Variants in ARL2 observed in about 807,000 individuals in gnomAD.
ARL2 encodes the protein ADP-ribosylation factor-like protein 2.
In ARL2, 11 loss-of-function variants were observed where a neutral mutation model predicts 22.0. The ratio of observed to expected loss-of-function variants is 0.50; its 90% CI spans 0.31 to 0.83. The LOEUF (loss-of-function observed/expected upper bound fraction) is 0.83. ARL2 is among the 40% of genes least tolerant of loss of function. The probability of loss-of-function intolerance (pLI) is 0.04; values close to 1 mark genes in which losing one functional copy is unlikely to be tolerated. For missense variants in ARL2, 216 were observed against 243.2 expected, an observed-to-expected ratio of 0.89 and a Z score of 0.74; for synonymous variants, 111 against 100.8, an observed-to-expected ratio of 1.10 and a Z score of -0.61.
chr11:65,017,786 T>C (rs944207440), intron 1 of ARL2, among the ~76,000 whole-genome samples: 1 of 152,198 alleles, frequency 6.6e-6, no homozygotes, highest in Non-Finnish European at 1.5e-5. Context: ...GGTGGTTCCT[T>C]CCACAGGTAA....
intron 3 of ARL2, 139 bp from the exon 4 acceptor site, chr11:65,020,280 C>T (rs1356313754): frequency 5.4e-6 from 4 of 738,586 alleles, no homozygotes; most frequent in Non-Finnish European, 9.4e-6. Flanking sequence ...CAAACTCACT[C>T]CTGGGCCTCT....
chr11:65,021,682 A>C, intron 4 of ARL2, 39 bp from the exon 5 acceptor site: 3 of 1,568,358 alleles, frequency 1.9e-6, no homozygotes, highest in Non-Finnish European at 2.6e-6. Context: ...CAGGGTCTGC[A>C]GTCACTGGCC....
chr11:65,015,368 TG>T (rs749604086), intron 1 of ARL2, among the ~76,000 whole-genome samples: 5 of 152,158 alleles, frequency 3.3e-5, no homozygotes, highest in Non-Finnish European at 7.4e-5. Flanking sequence ...CCACCCGCCT[TG>T]GCCTCCCAAA....
At chr11:65,014,741 T>C (rs1010829769) in intron 1 of ARL2, among the ~76,000 whole-genome samples, 6 of 152,140 alleles carry the variant, frequency 3.9e-5, no homozygotes, top group Admixed American at 2.0e-4. Flanking sequence ...ACAGTCCGTC[T>C]CTTTGGTGTT....
At chr11:65,015,590 C>T (rs111365347) in intron 1 of ARL2, among the ~76,000 whole-genome samples, 1 of 152,004 alleles carries the variant, frequency 6.6e-6, no homozygotes, top group African/African-American at 2.4e-5. Flanking sequence ...GGGGGTTGCC[C>T]GCGGGTAGAA....
At chr11:65,016,373 T>A (rs1171752554) in intron 1 of ARL2, among the ~76,000 whole-genome samples, 3 of 148,046 alleles carry the variant, frequency 2.0e-5, no homozygotes, top group Non-Finnish European at 4.5e-5. Flanking sequence ...ATGGCTGGAG[T>A]GGGGAGGAGG....
chr11:65,021,175 A>G (rs1353261549), intron 4 of ARL2, among the ~76,000 whole-genome samples: 2 of 152,240 alleles, frequency 1.3e-5, no homozygotes, highest in Non-Finnish European at 2.9e-5. Context: ...CACAGAGGTT[A>G]GGTAACTTGT....
At chr11:65,015,786 C>T (rs571048783) in intron 1 of ARL2, among the ~76,000 whole-genome samples, 1 of 151,914 alleles carries the variant, frequency 6.6e-6, no homozygotes, top group South Asian at 2.1e-4. Context: ...TCCATACATA[C>T]TATATATATA....
intron 1 of ARL2, among the ~76,000 whole-genome samples, chr11:65,015,772 A>G (rs1361633268): frequency 6.6e-6 from 1 of 152,078 alleles, no homozygotes; most frequent in Non-Finnish European, 1.5e-5. Context: ...ACATATATAT[A>G]TTCTCCATAC....
chr11:65,015,846 C>G (rs767577317), intron 1 of ARL2, among the ~76,000 whole-genome samples: 25 of 152,140 alleles, frequency 1.6e-4, no homozygotes, highest in Middle Eastern at 3.4e-3. Context: ...TTATACTGCT[C>G]CAGGATGAAC....
At position 65,021,938 on chromosome 11, in the gene ARL2, G is replaced by T; in HGVS notation, c.*83G>T. The T allele has an allele frequency of 6.5e-7, 1 of 1,532,570 alleles. No individual in the cohort carries two copies. Among genetic ancestry groups the T allele is most frequent in the Non-Finnish European group, 8.8e-7 (1 of 1,135,754 alleles). 94.9% of individuals were successfully genotyped at this position (1,532,570 alleles called of 1,614,324 possible). Reference sequence around the variant, plus strand: ...ACCCATGGGGGGTTGGGAGTCAGCCGGCCAAACTAACACTCCCCCTCCTCC... The same window carrying T: ...ACCCATGGGGGGTTGGGAGTCAGCCTGCCAAACTAACACTCCCCCTCCTCC... On this transcript the variant is annotated 3_prime_UTR_variant, in exon 5 of 5. Coordinates refer to ENST00000246747, the MANE Select transcript of ARL2 (RefSeq NM_001667.4).
rs2136908268 is a variant in ARL2 at position 65,018,810 on chromosome 11, G to GC, written c.339+81dup. On this transcript the variant is annotated intron_variant, in intron 3 of 4. Transcript: ENST00000246747. This position sits in a 1 kb window ranked among gnomAD's most constrained non-coding sequence, Gnocchi z 4.2. ...CAGCAGATGCCCAGAGGGGCCCGTG[G>GC]CCCCAGAGGGAAACCAGAGGCAGGA... 2 of 1,583,924 alleles carry GC rather than the reference G, an allele frequency of 1.3e-6. No individual in the cohort carries two copies. Among genetic ancestry groups the GC allele is most frequent in the South Asian group, 2.3e-5 (2 of 88,164 alleles).
rs1171807612 is a variant in ARL2, at chr11:65,018,923, C to T, written c.339+190C>T. On this transcript the variant is annotated intron_variant, in intron 3 of 4. Transcript: ENST00000246747. The surrounding 1 kb of genome is among the most constrained non-coding windows in gnomAD (Gnocchi z 4.2). ...GTGGACTGAGATTGAGTTAACGTCC[C>T]TGTGGTGTTACTACGTCACTACCCT... is the stretch of plus-strand genomic sequence containing the variant. The T allele has an allele frequency of 6.5e-7, 1 of 1,530,536 alleles. No homozygotes were observed. The highest frequency in any genetic ancestry group is 2.5e-5 in the East Asian group (1 of 40,554). The allele number at this position is 1,530,536 out of a possible 1,614,324, so 94.8% of individuals were successfully genotyped here.
At chr11:65,015,560 CGT>C (rs112698177) in intron 1 of ARL2, among the ~76,000 whole-genome samples, 4 of 150,880 alleles carry the variant, frequency 2.7e-5, no homozygotes, top group African/African-American at 4.8e-5. Context: ...TTCTGTAATG[CGT>C]GTGTGTGTGT....
intron 4 of ARL2, 122 bp from the exon 5 acceptor site, chr11:65,021,599 G>T: frequency 7.7e-7 from 1 of 1,295,184 alleles, no homozygotes; most frequent in Non-Finnish European, 1.0e-6. Flanking sequence ...TCCTGGATGG[G>T]ATGACATGGA....
In ARL2 at chr11:65,014,201, G is replaced by A. The variant is rs771161160; in HGVS notation, c.-7G>A. On this transcript the variant is annotated 5_prime_UTR_variant, in exon 1 of 5. Transcript: ENST00000246747. Reference sequence around the variant, plus strand: ...GAAACGGCGGCCGGGAGGGGGCTCCGGGGACCATGGGGCTCCTGACCATTC... The same window carrying A: ...GAAACGGCGGCCGGGAGGGGGCTCCAGGGACCATGGGGCTCCTGACCATTC... 1.9e-5 allele frequency: 29 copies of A among 1,564,134 alleles called. 1 individual carries two copies. The highest frequency in any genetic ancestry group is 2.3e-5 in the South Asian group (2 of 85,528).
rs61736632 is a variant in ARL2, at chr11:65,021,750, C to T, written c.450C>T (p.His150=). The part of the protein sequence containing the change: ...EVLELDSIRS[H]HWCIQGCSAV... ...TGGAGCTGGACTCCATCCGCAGCCA[C>T]CACTGGTGCATCCAGGGCTGCAGCG... The change falls in exon 5 of 5, where the codon CAC becomes CAT. Residue 150 remains histidine (H), a synonymous_variant. Transcript: ENST00000246747. 0.014 allele frequency: 22,300 copies of T among 1,609,886 alleles called. 200 individuals are homozygous for T. The highest frequency in any genetic ancestry group is 0.016 in the Non-Finnish European group (18,860 of 1,178,440).
chr11:65,016,512 G>A (rs1946258712), intron 1 of ARL2, among the ~76,000 whole-genome samples: 1 of 152,124 alleles, frequency 6.6e-6, no homozygotes, highest in South Asian at 2.1e-4. Flanking sequence ...GAGATAGGAT[G>A]GTGGCTTGGA....
intron 1 of ARL2, among the ~76,000 whole-genome samples, chr11:65,015,988 C>T (rs189356361): frequency 1.3e-5 from 2 of 152,164 alleles, no homozygotes; most frequent in Admixed American, 1.3e-4. Context: ...GATGGATCGC[C>T]TGATGTCAGG....
Sources: gnomAD v4.1 joint callset for allele counts (sites outside exome capture counted in the v4.1 genomes callset) on GRCh38, gnomAD v4.1.1 for gene constraint, Gnocchi (gnomAD v3.1) non-coding constraint, MANE v1.5 for transcripts, NCBI Gene and HGNC (gene_info 2026-07-23, HGNC 2026-07-21) for gene names.